Variants in DESI2 observed in about 807,000 individuals in gnomAD.
DESI2 encodes deubiquitinase DESI2.
A neutral mutation model predicts 24.1 loss-of-function variants in DESI2; 10 were observed. That is an observed-to-expected ratio of 0.41 (90% CI 0.26 to 0.70). The LOEUF (loss-of-function observed/expected upper bound fraction) is 0.70, where lower values mean the gene tolerates loss of function less well. Ranked by LOEUF, DESI2 falls within the 30% of genes least tolerant of loss-of-function variation. DESI2 has a pLI of 0.29. For missense variants in DESI2, 122 were observed against 234.9 expected, an observed-to-expected ratio of 0.52 and a Z score of 3.14; for synonymous variants, 71 against 87.7, an observed-to-expected ratio of 0.81 and a Z score of 1.06.
chr1:244,653,849 G>A (rs1169175578), intron 1 of DESI2: 4 of 443,760 alleles, frequency 9.0e-6, no homozygotes, highest in Non-Finnish European at 1.4e-5. Context: ...GCTTTCGGGT[G>A]CCTGTGCTAG....
chr1:244,687,430 A>G (rs973637355), intron 2 of DESI2, among the ~76,000 whole-genome samples: 6 of 152,184 alleles, frequency 3.9e-5, no homozygotes, highest in East Asian at 1.9e-4. Context: ...ATTTCATTCA[A>G]TGTATCATTT....
intron 4 of DESI2, among the ~76,000 whole-genome samples, chr1:244,702,320 C>T (rs751369901): frequency 1.1e-4 from 16 of 152,074 alleles, no homozygotes; most frequent in Non-Finnish European, 2.1e-4. Flanking sequence ...TTGAGACCAG[C>T]CTGGCCAACA....
At chr1:244,667,035 C>G (rs960135567) in intron 1 of DESI2, among the ~76,000 whole-genome samples, 1 of 152,114 alleles carries the variant, frequency 6.6e-6, no homozygotes, top group Non-Finnish European at 1.5e-5. Flanking sequence ...CATGGGAATT[C>G]TGGGAGATAC....
chr1:244,661,200 A>G (rs1220909399), intron 1 of DESI2, among the ~76,000 whole-genome samples: 2 of 152,124 alleles, frequency 1.3e-5, no homozygotes, highest in Non-Finnish European at 2.9e-5. Context: ...GTCCCTGGTA[A>G]TCATCATTCT....
In DESI2 at chr1:244,708,655, T is replaced by A. The variant is rs1210830959; in HGVS notation, c.*2866T>A. On this transcript the variant is annotated 3_prime_UTR_variant, in exon 5 of 5. Coordinates refer to ENST00000302550, the MANE Select transcript of DESI2 (RefSeq NM_016076.5). Reference sequence around the variant, plus strand: ...GTGTCTCCTTATGACTCCATTTCTGTAAGCTACTCTGTAACTTTGATATAT... The same window carrying A: ...GTGTCTCCTTATGACTCCATTTCTGAAAGCTACTCTGTAACTTTGATATAT... 2 of 152,674 alleles carry A rather than the reference T, an allele frequency of 1.3e-5. No homozygotes were observed. The highest frequency in any genetic ancestry group is 2.9e-5 in the Non-Finnish European group (2 of 68,044). The allele number at this position is 152,674 out of a possible 1,614,324, so 9.5% of individuals were successfully genotyped here. A position where few individuals can be genotyped will look rare whatever the true frequency, so the allele number is the denominator to read the frequency against.
chr1:244,668,416 A>G (rs1676123651), intron 1 of DESI2, among the ~76,000 whole-genome samples: 1 of 152,210 alleles, frequency 6.6e-6, no homozygotes, highest in South Asian at 2.1e-4. Context: ...CACAACTGAT[A>G]TGGGGCTTTT....
chr1:244,675,889 CA>C (rs1369723862), intron 1 of DESI2, among the ~76,000 whole-genome samples: 1 of 152,120 alleles, frequency 6.6e-6, no homozygotes, highest in Non-Finnish European at 1.5e-5. Context: ...TTAAATCTTC[CA>C]GTTCACAAGC....
rs374030784 is a variant in DESI2 at position 244,670,253 on chromosome 1, G to A, written c.43-16344G>A. The stretch of plus-strand genomic sequence containing the variant: ...ATTACAGGCATGTGCCACCACACCC[G>A]GCAGAATATAAATAATTCTTGTAGG... On this transcript the variant is annotated intron_variant, in intron 1 of 4. Coordinates refer to ENST00000302550, the MANE Select transcript of DESI2 (RefSeq NM_016076.5). Among the ~76,000 whole-genome samples, 10 of 152,094 alleles carry A rather than the reference G, an allele frequency of 6.6e-5. No individual in the cohort carries two copies. The East Asian group carries it at 1.5e-3, about 23-fold the overall frequency.
intron 4 of DESI2, among the ~76,000 whole-genome samples, chr1:244,696,628 C>A (rs758349118): frequency 6.6e-6 from 1 of 152,126 alleles, no homozygotes; most frequent in Non-Finnish European, 1.5e-5. Context: ...TTTCTTCCCC[C>A]CTTTACTTGT....
chr1:244,707,451 G>A lies in DESI2; in HGVS notation c.*1662G>A, dbSNP rs1296903732. 1.3e-5 allele frequency: 2 copies of A among 152,532 alleles called. No homozygotes were observed. Among genetic ancestry groups the A allele is most frequent in the Non-Finnish European group, 2.9e-5 (2 of 68,040 alleles). The allele number at this position is 152,532 out of a possible 1,614,324, so 9.4% of individuals were successfully genotyped here. On this transcript the variant is annotated 3_prime_UTR_variant, in exon 5 of 5. Transcript: ENST00000302550. ...TACAAATTACTCTCAGTTCTTTAGG[G>A]GCAGAAGGCTTGTTTCAAGAGGTTT...
chr1:244,689,423 TCAAAA>T lies in DESI2; in HGVS notation c.209+86_209+90del. On this transcript the variant is annotated intron_variant, in intron 3 of 4. Coordinates refer to ENST00000302550, the MANE Select transcript of DESI2 (RefSeq NM_016076.5). This position sits in a 1 kb window ranked among gnomAD's most constrained non-coding sequence, Gnocchi z 4.0. ...AGGTATACAGAATTCATTCTGTAAATCAAAACAAACCCAAGAAGTTAAAAATGTCT... is the reference window on the plus strand; with the variant it reads ...AGGTATACAGAATTCATTCTGTAAATCAAACCCAAGAAGTTAAAAATGTCT... 3 of 661,286 alleles carry T rather than the reference TCAAAA, an allele frequency of 4.5e-6. No individual in the cohort carries two copies. The South Asian group carries it at 6.3e-5, about 14-fold the overall frequency. 41.0% of individuals were successfully genotyped at this position (661,286 alleles called of 1,614,324 possible).
intron 1 of DESI2, among the ~76,000 whole-genome samples, chr1:244,668,322 A>G (rs1676118403): frequency 6.6e-6 from 1 of 152,208 alleles, no homozygotes; most frequent in African/African-American, 2.4e-5. Flanking sequence ...GATTCAATGC[A>G]TTAGTACCAA....
intron 1 of DESI2, among the ~76,000 whole-genome samples, chr1:244,673,425 C>A (rs960581712): frequency 2.0e-5 from 3 of 152,176 alleles, no homozygotes; most frequent in African/African-American, 7.2e-5. Flanking sequence ...AGTGGCTGAC[C>A]AAAATACATA....
In DESI2 at chr1:244,664,593, G is replaced by C. The variant is rs1305811727; in HGVS notation, c.42+11238G>C. Among the ~76,000 whole-genome samples the C allele has an allele frequency of 3.3e-5, 5 of 152,198 alleles. No individual in the cohort carries two copies. In the East Asian group the frequency reaches 7.7e-4, roughly 23 times the overall value. On this transcript the variant is annotated intron_variant, in intron 1 of 4. Transcript: ENST00000302550. ...CATGCCTGTGATTCCAGCTACTTAA[G>C]GGACTGAGATGGGAGGATTGCCTCA...
At chr1:244,683,557 C>A (rs542925158) in intron 1 of DESI2, among the ~76,000 whole-genome samples, 1 of 152,132 alleles carries the variant, frequency 6.6e-6, no homozygotes, top group African/African-American at 2.4e-5. Context: ...GTGATCCGCC[C>A]ACCTCAGCCT....
Position 244,679,361 on chromosome 1 carries a change from A to C in DESI2, c.43-7236A>C, listed in dbSNP as rs971786369. Among the ~76,000 whole-genome samples, 4 of 152,214 alleles carry C rather than the reference A, an allele frequency of 2.6e-5. No homozygotes were observed. The East Asian group carries it at 5.8e-4, about 22-fold the overall frequency. On this transcript the variant is annotated intron_variant, in intron 1 of 4. Transcript: ENST00000302550. Reference sequence around the variant, plus strand: ...CTAGATTATTCTCTTTAGTTCCCCCAAATTTTTTATTGTGAAATTTTTTAA... The same window carrying C: ...CTAGATTATTCTCTTTAGTTCCCCCCAATTTTTTATTGTGAAATTTTTTAA...
chr1:244,678,844 C>T (rs1676503310), intron 1 of DESI2, among the ~76,000 whole-genome samples: 1 of 152,126 alleles, frequency 6.6e-6, no homozygotes, highest in Non-Finnish European at 1.5e-5. Context: ...CCTTTTGGTG[C>T]TGTCGTTAAG....
At chr1:244,658,848 A>G (rs1032761232) in intron 1 of DESI2, among the ~76,000 whole-genome samples, 1 of 152,204 alleles carries the variant, frequency 6.6e-6, no homozygotes, top group African/African-American at 2.4e-5. Context: ...AAAATCAAAT[A>G]GTTTTCTTTG....
intron 1 of DESI2, among the ~76,000 whole-genome samples, chr1:244,672,994 A>G (rs1334285623): frequency 6.6e-6 from 1 of 152,194 alleles, no homozygotes; most frequent in African/African-American, 2.4e-5. Context: ...TAAAAGGCTC[A>G]GTTCTCATAT....
Sources: gnomAD v4.1 joint callset for allele counts (sites outside exome capture counted in the v4.1 genomes callset) on GRCh38, gnomAD v4.1.1 for gene constraint, Gnocchi (gnomAD v3.1) non-coding constraint, MANE v1.5 for transcripts, NCBI Gene and HGNC (gene_info 2026-07-23, HGNC 2026-07-21) for gene names.